The following FAR1 variants were observed in gnomAD, a reference collection of about 807,000 sequenced individuals.
The protein encoded by FAR1 is fatty acyl-CoA reductase 1.
A neutral mutation model predicts 61.1 loss-of-function variants in FAR1; 22 were observed. That is an observed-to-expected ratio of 0.36 (90% CI 0.26 to 0.51). FAR1 has a LOEUF of 0.51. Among genes scored for constraint, FAR1 ranks in the 20% least tolerant of loss-of-function variants. FAR1 has a pLI of 0.95. For synonymous variants in FAR1, 206 were observed against 209.7 expected (o/e 0.98, Z 0.15); for missense variants, 359 against 626.9 (o/e 0.57, Z 4.56).
intron 9 of FAR1, among the ~76,000 whole-genome samples, chr11:13,717,577 G>A (rs1335158779): frequency 1.3e-5 from 2 of 152,132 alleles, no homozygotes; most frequent in Non-Finnish European, 2.9e-5. Context: ...TGGCCTGTGG[G>A]CTCTGTGTGC....
chr11:13,728,694 A>G lies in FAR1; in HGVS notation c.1468A>G (p.Arg490Gly). 1 of 1,612,602 alleles carries G rather than the reference A, an allele frequency of 6.2e-7. No homozygotes were observed. Among genetic ancestry groups the G allele is most frequent in the Non-Finnish European group, 8.5e-7 (1 of 1,178,826 alleles). The change falls in exon 12 of 12, where the codon AGA (arginine) becomes GGA (glycine). Residue 490 changes from arginine (R) to glycine (G), a missense_variant. Arg to Gly is a moderately radical substitution (Grantham distance 125, BLOSUM62 -2). This residue lies in a region of FAR1 where 15 missense variants were observed against 56.5 expected (regional missense o/e 0.27). Coordinates refer to ENST00000354817, the MANE Select transcript of FAR1 (RefSeq NM_032228.6). Reference sequence around the variant, plus strand: ...TTTTATTGCAAGATCACAAATGGCAAGAAATATCTGGTACTTTGTGGTTAG... The same window carrying G: ...TTTTATTGCAAGATCACAAATGGCAGGAAATATCTGGTACTTTGTGGTTAG... Reference protein sequence around the residue: ...RIFIARSQMARNIWYFVVSLC... With the variant: ...RIFIARSQMAGNIWYFVVSLC...
In FAR1 at chr11:13,680,676, GAGAACTGAGCC is replaced by G. The variant is rs1848117618; in HGVS notation, c.-8+11873_-8+11883del. 3.3e-5 allele frequency among the ~76,000 whole-genome samples: 5 copies of G among 152,190 alleles called. No individual in the cohort carries two copies. The South Asian group carries it at 1.0e-3, about 32-fold the overall frequency. The stretch of plus-strand genomic sequence containing the variant: ...TTTTCAACAGCCAGTTCTTGTGGCT[GAGAACTGAGCC>G]AGTTCTCACTATGAGTGAGAACGCT... On this transcript the variant is annotated intron_variant, in intron 1 of 11. Coordinates refer to ENST00000354817, the MANE Select transcript of FAR1 (RefSeq NM_032228.6).
intron 1 of FAR1, chr11:13,685,381 T>A: frequency 6.2e-6 from 1 of 161,726 alleles, no homozygotes; most frequent in South Asian, 1.5e-4. Context: ...AGAAAAAATA[T>A]ATTCCCAATA....
chr11:13,686,017 A>G (rs1259834212), intron 1 of FAR1, among the ~76,000 whole-genome samples: 4 of 152,078 alleles, frequency 2.6e-5, no homozygotes, highest in African/African-American at 7.2e-5. Flanking sequence ...TGTGCACTCA[A>G]TTCTCATTCA....
chr11:13,723,384 C>T (rs867654400), intron 10 of FAR1: 2 of 346,984 alleles, frequency 5.8e-6, no homozygotes, highest in South Asian at 2.1e-5. Context: ...AAAAAAAAAA[C>T]CCCAAAAAAA....
At chr11:13,683,244 T>G (rs1474984647) in intron 1 of FAR1, among the ~76,000 whole-genome samples, 1 of 151,850 alleles carries the variant, frequency 6.6e-6, no homozygotes, top group Non-Finnish European at 1.5e-5. Flanking sequence ...AATACAAAAA[T>G]TAGCTGGACG....
At chr11:13,714,316 C>G (rs1490963055) in intron 8 of FAR1, among the ~76,000 whole-genome samples, 193 bp from the exon 9 acceptor site, 1 of 152,082 alleles carries the variant, frequency 6.6e-6, no homozygotes, top group Non-Finnish European at 1.5e-5. Flanking sequence ...GCGGCAGTTA[C>G]AAAACCACTT....
At chr11:13,722,739 A>C (rs1848624527) in intron 10 of FAR1, among the ~76,000 whole-genome samples, 1 of 151,852 alleles carries the variant, frequency 6.6e-6, no homozygotes, top group African/African-American at 2.4e-5. Context: ...AGCCTCCCCA[A>C]GTGCTGGGAT....
chr11:13,686,308 T>C (rs1283683661), intron 1 of FAR1, among the ~76,000 whole-genome samples: 4 of 152,222 alleles, frequency 2.6e-5, no homozygotes, highest in African/African-American at 7.2e-5. Flanking sequence ...TTCATTCTTA[T>C]TCTACCTGGC....
chr11:13,712,799 T>G (rs1848514642), intron 7 of FAR1, among the ~76,000 whole-genome samples, 167 bp from the exon 8 acceptor site: 1 of 152,098 alleles, frequency 6.6e-6, no homozygotes, highest in Admixed American at 6.6e-5. Context: ...AAAGGGTAGT[T>G]GTAAATAGTC....
rs548733241 is a variant in FAR1, at chr11:13,705,146, C to T, written c.366-2754C>T. Among the ~76,000 whole-genome samples the T allele has an allele frequency of 3.3e-5, 5 of 152,172 alleles. No homozygotes were observed. In the South Asian group the frequency reaches 1.0e-3, roughly 32 times the overall value. ...AGGATTCTAATTACAAAGACTTTCT[C>T]ATTTTGTACCCCCCTCCCAAAAGCC... On this transcript the variant is annotated intron_variant, in intron 3 of 11. Coordinates refer to ENST00000354817, the MANE Select transcript of FAR1 (RefSeq NM_032228.6).
chr11:13,692,874 CT>C (rs1490213794), intron 1 of FAR1, among the ~76,000 whole-genome samples: 2 of 151,894 alleles, frequency 1.3e-5, no homozygotes, highest in Non-Finnish European at 2.9e-5. Flanking sequence ...CCTTAGTTTC[CT>C]TTGTAGTTCT....
At chr11:13,684,621 G>A (rs1848166636) in intron 1 of FAR1, among the ~76,000 whole-genome samples, 1 of 152,134 alleles carries the variant, frequency 6.6e-6, no homozygotes, top group Non-Finnish European at 1.5e-5. Context: ...TGGAGTCCCA[G>A]GGATTTCTAT....
intron 2 of FAR1, among the ~76,000 whole-genome samples, chr11:13,696,999 G>T (rs905160170): frequency 1.3e-5 from 2 of 152,158 alleles, no homozygotes; most frequent in African/African-American, 4.8e-5. Flanking sequence ...GCATGGTAGG[G>T]TTATCAGCAG....
rs1848693724 is a variant in FAR1 at position 13,728,969 on chromosome 11, C to T, written c.*195C>T. 4.2e-6 allele frequency: 2 copies of T among 478,074 alleles called. No homozygotes were observed. The highest frequency in any genetic ancestry group is 7.0e-5 in the Admixed American group (2 of 28,370). 29.6% of individuals were successfully genotyped at this position (478,074 alleles called of 1,614,324 possible). A position where few individuals can be genotyped will look rare whatever the true frequency, so the allele number is the denominator to read the frequency against. On this transcript the variant is annotated 3_prime_UTR_variant, in exon 12 of 12. Coordinates refer to ENST00000354817, the MANE Select transcript of FAR1 (RefSeq NM_032228.6). The stretch of plus-strand genomic sequence containing the variant: ...AACTTAGTGAACACACTGTGTTATG[C>T]CAGCTCAAATCTACAGTAGCCACCA...
At chr11:13,695,007 A>T in intron 2 of FAR1, 53 bp downstream of exon 2, 1 of 1,439,542 alleles carries the variant, frequency 6.9e-7, no homozygotes, top group Non-Finnish European at 9.3e-7. Context: ...GTGCTTGTGT[A>T]TATAATTATT....
At chr11:13,720,787 G>A (rs766653932) in intron 9 of FAR1, 14 of 151,866 alleles carry the variant, frequency 9.2e-5, no homozygotes, top group Non-Finnish European at 1.6e-4. Context: ...TCTTTAAAAA[G>A]TACTTCTCCA....
chr11:13,694,881 C>T lies in FAR1; in HGVS notation c.116C>T (p.Ser39Leu), dbSNP rs1591261257. ...KLLRSCPKVN[S>L]VYVLVRQKAG... is the part of the protein sequence containing the mutation. The stretch of plus-strand genomic sequence containing the variant: ...CTGAGGTCTTGTCCTAAGGTGAATT[C>T]AGTATATGTTTTGGTGAGGCAGAAA... Residue 39 changes from serine to leucine, a missense_variant, in exon 2 of 12, where the codon TCA becomes TTA. By Grantham distance (145) the Ser-to-Leu change is moderately radical. Transcript: ENST00000354817. 1 of 1,614,010 alleles carries T rather than the reference C, an allele frequency of 6.2e-7. No homozygotes were observed. The highest frequency in any genetic ancestry group is 2.2e-5 in the East Asian group (1 of 44,870).
intron 9 of FAR1, chr11:13,715,681 T>C (rs531337167): frequency 1.2e-4 from 19 of 152,302 alleles, no homozygotes; most frequent in Non-Finnish European, 2.4e-4. Flanking sequence ...TTATAGCTTT[T>C]CTTTCTTTTT....
Sources: allele counts gnomAD v4.1 joint callset (sites outside exome capture counted in the v4.1 genomes callset), GRCh38; gene constraint gnomAD v4.1.1; regional missense constraint gnomAD v4.1.1; transcripts MANE v1.5; gene names NCBI Gene and HGNC (gene_info 2026-07-23, HGNC 2026-07-21).